ERC2: variants seen among roughly 807,000 people sequenced by gnomAD.
ERC2 encodes the protein ERC protein 2.
In ERC2, 42 loss-of-function variants were observed where a neutral mutation model predicts 114.8. The observed-to-expected ratio is 0.37, with a 90% confidence interval of 0.29 to 0.47. The LOEUF is 0.47. Among genes scored for constraint, ERC2 ranks in the 20% least tolerant of loss-of-function variants. The probability of loss-of-function intolerance (pLI) is 0.99; values close to 1 mark genes in which losing one functional copy is unlikely to be tolerated. For missense variants in ERC2, 939 were observed against 1,150.7 expected, an observed-to-expected ratio of 0.82 and a Z score of 2.66; for synonymous variants, 454 against 425.5, an observed-to-expected ratio of 1.07 and a Z score of -0.82.
At chr3:56,164,754 T>G (rs2082238857) in intron 4 of ERC2, among the ~76,000 whole-genome samples, 1 of 152,000 alleles carries the variant, frequency 6.6e-6, no homozygotes, top group African/African-American at 2.4e-5. Flanking sequence ...TCCCCAACGC[T>G]CATTATTGTC....
intron 2 of ERC2, among the ~76,000 whole-genome samples, chr3:56,404,707 TA>T (rs2060646224): frequency 6.8e-6 from 1 of 147,522 alleles, no homozygotes. Flanking sequence ...TATGTACCCA[TA>T]AAAATTTTTT....
At chr3:56,188,441 C>A (rs1179417822) in intron 3 of ERC2, among the ~76,000 whole-genome samples, 2 of 152,162 alleles carry the variant, frequency 1.3e-5, no homozygotes, top group Non-Finnish European at 1.5e-5. Context: ...TCCCTACACA[C>A]CCCCACGGTC....
intron 12 of ERC2, among the ~76,000 whole-genome samples, chr3:55,963,534 A>G (rs1339634005): frequency 1.3e-5 from 2 of 152,236 alleles, no homozygotes; most frequent in Non-Finnish European, 2.9e-5. Context: ...GGGACAAGAC[A>G]TAAGATAAAA....
At chr3:56,406,490 C>T (rs973771306) in intron 2 of ERC2, among the ~76,000 whole-genome samples, 1 of 152,216 alleles carries the variant, frequency 6.6e-6, no homozygotes, top group African/African-American at 2.4e-5. Flanking sequence ...ATTAGGCTGG[C>T]TTCATGGGCA....
intron 13 of ERC2, among the ~76,000 whole-genome samples, chr3:55,905,396 T>C (rs1333746525): frequency 6.6e-6 from 1 of 151,870 alleles, no homozygotes; most frequent in Non-Finnish European, 1.5e-5. Flanking sequence ...TTTACTTTTT[T>C]TGTGGACCTC....
rs766899001 is a variant in ERC2 at position 55,950,479 on chromosome 3, T to G, written c.2349A>C (p.Leu783=). ...QLEKKKNAQL[L]EEVRRREDSM... is the part of the protein sequence containing the mutation. ...TGTCTTCTCGCCTGCGCACTTCTTC[T>G]AGTAACTGAGCATTTTTCTTCTTTT... Residue 783 remains leucine (L), a synonymous_variant, in exon 13 of 18, where the codon CTA becomes CTC. Transcript: ENST00000288221. The G allele has an allele frequency of 7.4e-6, 12 of 1,613,942 alleles. No individual in the cohort carries two copies. The highest frequency in any genetic ancestry group is 9.3e-6 in the Non-Finnish European group (11 of 1,179,902).
At chr3:56,130,568 A>G (rs1228123066) in intron 6 of ERC2, among the ~76,000 whole-genome samples, 1 of 152,238 alleles carries the variant, frequency 6.6e-6, no homozygotes, top group Non-Finnish European at 1.5e-5. Context: ...CCTGAACAAC[A>G]ATAACAACAA....
intron 1 of ERC2, among the ~76,000 whole-genome samples, chr3:56,447,546 T>G (rs1413851519): frequency 6.6e-6 from 1 of 152,142 alleles, no homozygotes; most frequent in Non-Finnish European, 1.5e-5. Flanking sequence ...CAAATGAAAC[T>G]GGGAGCAAGG....
chr3:56,336,725 C>T (rs980753786), intron 2 of ERC2, among the ~76,000 whole-genome samples: 12 of 151,994 alleles, frequency 7.9e-5, no homozygotes, highest in African/African-American at 1.9e-4. Flanking sequence ...ACCTGGGAGG[C>T]GGTGGAAGTT....
chr3:55,595,421 A>C (rs2058083462), intron 17 of ERC2, among the ~76,000 whole-genome samples: 1 of 152,226 alleles, frequency 6.6e-6, no homozygotes, highest in Non-Finnish European at 1.5e-5. Flanking sequence ...CAAAGATTCT[A>C]TTCCCATCCC....
chr3:55,728,427 G>A (rs1401904906), intron 15 of ERC2, among the ~76,000 whole-genome samples: 1 of 152,204 alleles, frequency 6.6e-6, no homozygotes, highest in Non-Finnish European at 1.5e-5. Context: ...GAGAAGTGAT[G>A]TTGGACTGAG....
chr3:55,720,803 A>C (rs1451446393), intron 15 of ERC2, among the ~76,000 whole-genome samples: 1 of 152,156 alleles, frequency 6.6e-6, no homozygotes, highest in Non-Finnish European at 1.5e-5. Flanking sequence ...CATTCCTTGA[A>C]GCACAGTGCT....
chr3:56,220,068 C>G (rs143706262), intron 3 of ERC2, among the ~76,000 whole-genome samples: 273 of 152,292 alleles, frequency 1.8e-3, no homozygotes, highest in Non-Finnish European at 3.2e-3. Flanking sequence ...GCAGATGCCT[C>G]TGAATGGCAC....
intron 15 of ERC2, among the ~76,000 whole-genome samples, chr3:55,720,224 TTC>T (rs2064439990): frequency 3.3e-5 from 1 of 30,414 alleles, no homozygotes; most frequent in Non-Finnish European, 5.4e-5. Context: ...CTTCTTCTTC[TTC>T]TTCTTCTTCT....
intron 14 of ERC2, among the ~76,000 whole-genome samples, chr3:55,870,553 C>T (rs2062535284): frequency 6.6e-6 from 1 of 152,156 alleles, no homozygotes; most frequent in Non-Finnish European, 1.5e-5. Flanking sequence ...GATTTACACA[C>T]TTGGCCAAGG....
intron 14 of ERC2, among the ~76,000 whole-genome samples, chr3:55,773,935 A>AT (rs2068414087): frequency 6.6e-6 from 1 of 152,156 alleles, no homozygotes; most frequent in Non-Finnish European, 1.5e-5. Flanking sequence ...GATTCTTGTC[A>AT]TTTTATTCTC....
chr3:56,305,835 A>G (rs2056189689), intron 2 of ERC2, among the ~76,000 whole-genome samples: 1 of 152,090 alleles, frequency 6.6e-6, no homozygotes, highest in Non-Finnish European at 1.5e-5. Flanking sequence ...CCATTGACAT[A>G]TATATTGTCT....
chr3:55,558,337 C>G (rs775393853), intron 17 of ERC2, among the ~76,000 whole-genome samples: 30 of 152,084 alleles, frequency 2.0e-4, no homozygotes, highest in Admixed American at 3.9e-4. Flanking sequence ...ATAAAAGAAC[C>G]CAGAGTGGGG....
intron 3 of ERC2, among the ~76,000 whole-genome samples, chr3:56,273,294 TTCCATTG>T (rs2053782473): frequency 1.3e-5 from 2 of 149,206 alleles, no homozygotes; most frequent in South Asian, 4.2e-4. Flanking sequence ...CAGGGTCTTG[TTCCATTG>T]CCCAGGCCAG....
Sources: allele counts gnomAD v4.1 joint callset (sites outside exome capture counted in the v4.1 genomes callset), GRCh38; gene constraint gnomAD v4.1.1; transcripts MANE v1.5; gene names NCBI Gene and HGNC (gene_info 2026-07-23, HGNC 2026-07-21).